PRKAG2: variants seen among roughly 807,000 people sequenced by gnomAD.
PRKAG2 encodes protein kinase AMP-activated non-catalytic subunit gamma 2, also known as 5'-AMP-activated protein kinase subunit gamma-2.
Under a neutral mutation model 69.6 loss-of-function variants are expected in PRKAG2, and 26 were observed. That is an observed-to-expected ratio of 0.37 (90% confidence interval 0.27 to 0.52). The LOEUF (loss-of-function observed/expected upper bound fraction) is 0.52, where lower values mean the gene tolerates loss of function less well. Among genes scored for constraint, PRKAG2 ranks in the 20% least tolerant of loss-of-function variants. The pLI, the probability that PRKAG2 is intolerant of heterozygous loss-of-function variation, is 0.90. For synonymous variants in PRKAG2, 293 were observed against 285.0 expected (o/e 1.03, Z -0.28); for missense variants, 557 against 740.0 (o/e 0.75, Z 2.87).
intron 9 of PRKAG2, among the ~76,000 whole-genome samples, chr7:151,571,707 T>C (rs1383884183): frequency 6.6e-6 from 1 of 152,204 alleles, no homozygotes; most frequent in Non-Finnish European, 1.5e-5. Context: ...CAAATTTGTT[T>C]AGCTTGGTTT....
intron 4 of PRKAG2, among the ~76,000 whole-genome samples, chr7:151,634,341 G>C (rs1825369028): frequency 6.6e-6 from 1 of 152,138 alleles, no homozygotes; most frequent in Non-Finnish European, 1.5e-5. Flanking sequence ...GCTCACATTG[G>C]ATCGTGAACT....
chr7:151,778,425 A>G (rs1035557566), intron 3 of PRKAG2, among the ~76,000 whole-genome samples: 16 of 152,196 alleles, frequency 1.1e-4, no homozygotes, highest in African/African-American at 3.9e-4. Context: ...CAGAACCATG[A>G]GCCAAATAAA....
At chr7:151,823,243 C>T (rs1052782279) in intron 1 of PRKAG2, among the ~76,000 whole-genome samples, 17 of 102,976 alleles carry the variant, frequency 1.7e-4, no homozygotes, top group Non-Finnish European at 2.9e-4. Flanking sequence ...TTTGTATCAA[C>T]ATTTTTTTTT....
intron 5 of PRKAG2, among the ~76,000 whole-genome samples, chr7:151,608,788 C>T (rs902453578): frequency 6.6e-6 from 1 of 151,308 alleles, no homozygotes; most frequent in Non-Finnish European, 1.5e-5. Flanking sequence ...AAAGGATTAC[C>T]TTTATATTCC....
chr7:151,869,711 A>AT (rs2080167809), intron 1 of PRKAG2, among the ~76,000 whole-genome samples: 1 of 152,238 alleles, frequency 6.6e-6, no homozygotes, highest in East Asian at 1.9e-4. Context: ...CTCAAGCGGC[A>AT]TTGGGCCAAT....
chr7:151,778,703 G>A (rs192763549), intron 3 of PRKAG2, among the ~76,000 whole-genome samples: 74 of 152,186 alleles, frequency 4.9e-4, no homozygotes, highest in South Asian at 2.1e-3. Context: ...TCTCGCCACC[G>A]CCCCAAAGCT....
At chr7:151,715,109 A>G (rs1416908778) in intron 3 of PRKAG2, among the ~76,000 whole-genome samples, 3 of 146,218 alleles carry the variant, frequency 2.1e-5, no homozygotes, top group Non-Finnish European at 4.5e-5. Flanking sequence ...TCCGCCTCCT[A>G]GGTTCAAGTG....
chr7:151,700,133 C>T (rs1327111151), intron 3 of PRKAG2, among the ~76,000 whole-genome samples: 2 of 152,198 alleles, frequency 1.3e-5, no homozygotes, highest in South Asian at 2.1e-4. Flanking sequence ...AATGATGTTT[C>T]CTCCCCAACA....
chr7:151,782,215 G>A (rs1032370438), intron 2 of PRKAG2, among the ~76,000 whole-genome samples: 8 of 151,824 alleles, frequency 5.3e-5, no homozygotes, highest in African/African-American at 1.7e-4. Flanking sequence ...CCCCGAAGGC[G>A]GAGGTTGCAG....
chr7:151,871,582 C>G (rs1310300300), intron 1 of PRKAG2, among the ~76,000 whole-genome samples: 3 of 152,220 alleles, frequency 2.0e-5, no homozygotes, highest in Non-Finnish European at 4.4e-5. Context: ...GTCCAAGGGC[C>G]ACGTTCCCTT....
chr7:151,861,734 C>T (rs2079931171), intron 1 of PRKAG2, among the ~76,000 whole-genome samples: 1 of 151,932 alleles, frequency 6.6e-6, no homozygotes, highest in African/African-American at 2.4e-5. Context: ...CTCAGTCATG[C>T]TCCCCCAAGT....
intron 1 of PRKAG2, among the ~76,000 whole-genome samples, chr7:151,802,968 T>TAC (rs1563701869): frequency 7.2e-6 from 1 of 139,576 alleles, no homozygotes; most frequent in African/African-American, 2.6e-5. Flanking sequence ...ATATATTTTT[T>TAC]TTTTTTTGAG....
At chr7:151,688,051 C>CCCCCCCT (rs1554539800) in intron 3 of PRKAG2, among the ~76,000 whole-genome samples, 1 of 145,734 alleles carries the variant, frequency 6.9e-6, no homozygotes, top group African/African-American at 2.5e-5. Flanking sequence ...GGCCCCCCCC[C>CCCCCCCT]GGGCTCCTTG....
chr7:151,776,346 C>A (rs549642746), intron 3 of PRKAG2, among the ~76,000 whole-genome samples: 10 of 152,204 alleles, frequency 6.6e-5, no homozygotes, highest in Non-Finnish European at 1.5e-4. Context: ...ATGGTGTAAC[C>A]GGGCTGTAAC....
chr7:151,769,815 G>A (rs756941722), intron 3 of PRKAG2, among the ~76,000 whole-genome samples: 10 of 152,206 alleles, frequency 6.6e-5, no homozygotes, highest in African/African-American at 1.2e-4. Context: ...TGACATGGCC[G>A]AGGGTGCACC....
chr7:151,740,042 C>T (rs1397087355), intron 3 of PRKAG2, among the ~76,000 whole-genome samples: 2 of 152,180 alleles, frequency 1.3e-5, no homozygotes, highest in Non-Finnish European at 2.9e-5. Flanking sequence ...AGGCCTCACC[C>T]GTTGTGAGGA....
At chr7:151,858,555 C>CCA (rs1328211438) in intron 1 of PRKAG2, among the ~76,000 whole-genome samples, 1 of 151,924 alleles carries the variant, frequency 6.6e-6, no homozygotes, top group African/African-American at 2.4e-5. Context: ...ATTCACCTGC[C>CCA]CACACACACA....
chr7:151,628,576 G>T (rs1438926118), intron 5 of PRKAG2, among the ~76,000 whole-genome samples: 1 of 152,042 alleles, frequency 6.6e-6, no homozygotes, highest in Admixed American at 6.6e-5. Flanking sequence ...GCCAGGCATG[G>T]TGGCATGCGC....
chr7:151,645,554 C>G (rs2079987), intron 4 of PRKAG2, among the ~76,000 whole-genome samples: 93,058 of 152,050 alleles, frequency 0.61, 29,641 homozygotes, highest in African/African-American at 0.78. Flanking sequence ...GTGGTAATCT[C>G]TTACACAACT....
Sources: allele counts gnomAD v4.1 joint callset (sites outside exome capture counted in the v4.1 genomes callset), GRCh38; gene constraint gnomAD v4.1.1; transcripts MANE v1.5; gene names NCBI Gene and HGNC (gene_info 2026-07-23, HGNC 2026-07-21).